STAG1: variants seen among roughly 807,000 people sequenced by gnomAD.
STAG1 encodes STAG1 cohesin complex component.
Under a neutral mutation model 170.9 loss-of-function variants are expected in STAG1, and 26 were observed. The ratio of observed to expected loss-of-function variants is 0.15; its 90% confidence interval spans 0.11 to 0.21. The LOEUF (loss-of-function observed/expected upper bound fraction) is 0.21. Ranked by LOEUF, STAG1 falls within the 10% of genes least tolerant of loss-of-function variation. STAG1 has a pLI of 1.00. For missense variants in STAG1, 964 were observed against 1,509.5 expected (o/e 0.64, Z 5.99); for synonymous variants, 514 against 497.7 (o/e 1.03, Z -0.44).
At chr3:136,373,218 G>A (rs1335749385) in intron 23 of STAG1, among the ~76,000 whole-genome samples, 39 of 151,892 alleles carry the variant, frequency 2.6e-4, no homozygotes, top group East Asian at 3.9e-4. Flanking sequence ...TTTTTATTGC[G>A]TCTATTTGAT....
intron 23 of STAG1, among the ~76,000 whole-genome samples, chr3:136,373,222 A>G (rs1328369842): frequency 1.3e-5 from 2 of 151,988 alleles, no homozygotes; most frequent in Admixed American, 1.3e-4. Context: ...TATTGCGTCT[A>G]TTTGATTCTT....
At chr3:136,365,624 G>A (rs1937044804) in intron 25 of STAG1, among the ~76,000 whole-genome samples, 1 of 152,096 alleles carries the variant, frequency 6.6e-6, no homozygotes, top group African/African-American at 2.4e-5. Context: ...TCAGGATGAG[G>A]AATAACTTTT....
At chr3:136,490,461 C>G (rs958529457) in intron 9 of STAG1, among the ~76,000 whole-genome samples, 2 of 152,156 alleles carry the variant, frequency 1.3e-5, no homozygotes, top group African/African-American at 4.8e-5. Context: ...CACTAAGAGT[C>G]TCATACAGAG....
In STAG1 at chr3:136,567,392, T is replaced by A. The variant is rs751383640; in HGVS notation, c.394+1373A>T. On this transcript the variant is annotated intron_variant, in intron 5 of 33. Coordinates refer to ENST00000383202, the MANE Select transcript of STAG1 (RefSeq NM_005862.3). Reference sequence around the variant, plus strand: ...CAATTCAGCCACAGAATCCTCTACGTCCCGGACTGAACCATGCTTTCTTGT... The same window carrying A: ...CAATTCAGCCACAGAATCCTCTACGACCCGGACTGAACCATGCTTTCTTGT... Among the ~76,000 whole-genome samples, 87 of 152,348 alleles carry A rather than the reference T, an allele frequency of 5.7e-4. 1 individual carries two copies. Among genetic ancestry groups the A allele is most frequent in the Middle Eastern group, 3.4e-3 (1 of 294 alleles).
intron 29 of STAG1, among the ~76,000 whole-genome samples, chr3:136,345,095 A>T (rs1429955786): frequency 6.6e-6 from 1 of 151,698 alleles, no homozygotes; most frequent in Admixed American, 6.6e-5. Context: ...GTTTATAAAT[A>T]TATATATATT....
intron 5 of STAG1, among the ~76,000 whole-genome samples, chr3:136,546,267 C>G (rs1002112665): frequency 1.3e-5 from 2 of 152,162 alleles, no homozygotes; most frequent in African/African-American, 4.8e-5. Context: ...TGTCTGCCAC[C>G]TCAGTTCTAT....
intron 24 of STAG1, among the ~76,000 whole-genome samples, 153 bp from the exon 25 acceptor site, chr3:136,367,235 A>G (rs1057432094): frequency 6.6e-6 from 1 of 152,148 alleles, no homozygotes; most frequent in Non-Finnish European, 1.5e-5. Flanking sequence ...TACATTAATT[A>G]TTTTAGGGTG....
At chr3:136,589,628 C>CAAAAA (rs71626007) in intron 4 of STAG1, among the ~76,000 whole-genome samples, 6 of 46,202 alleles carry the variant, frequency 1.3e-4, no homozygotes, top group Non-Finnish European at 2.4e-4. Context: ...CAAAGGGAGC[C>CAAAAA]AAAAAAAAAA....
chr3:136,626,420 A>T (rs150881345), intron 2 of STAG1, among the ~76,000 whole-genome samples: 1 of 149,228 alleles, frequency 6.7e-6, no homozygotes, highest in African/African-American at 2.5e-5. Flanking sequence ...GTGAGACTAC[A>T]TCTCAAAAAA....
At chr3:136,494,906 C>T (rs1187945450) in intron 9 of STAG1, among the ~76,000 whole-genome samples, 1 of 152,112 alleles carries the variant, frequency 6.6e-6, no homozygotes, top group Non-Finnish European at 1.5e-5. Flanking sequence ...CAAATTGGTT[C>T]ACAAGGTAAT....
intron 4 of STAG1, among the ~76,000 whole-genome samples, chr3:136,581,495 G>T (rs1937589734): frequency 6.6e-6 from 1 of 152,108 alleles, no homozygotes; most frequent in Non-Finnish European, 1.5e-5. Flanking sequence ...AACGCAAATA[G>T]ACCATTTTAA....
chr3:136,405,307 T>A (rs2087449579), intron 21 of STAG1, among the ~76,000 whole-genome samples: 1 of 139,424 alleles, frequency 7.2e-6, no homozygotes, highest in African/African-American at 2.6e-5. Flanking sequence ...AGTGGCATGA[T>A]CTCGGCTCAC....
intron 4 of STAG1, among the ~76,000 whole-genome samples, chr3:136,589,628 C>CAAAAAAAAAAAAAAAAAAA (rs71626007): frequency 4.3e-5 from 2 of 46,214 alleles, no homozygotes; most frequent in African/African-American, 7.0e-5. Context: ...CAAAGGGAGC[C>CAAAAAAAAAAAAAAAAAAA]AAAAAAAAAA....
At chr3:136,392,647 T>C (rs2087040810) in intron 22 of STAG1, among the ~76,000 whole-genome samples, 2 of 151,508 alleles carry the variant, frequency 1.3e-5, no homozygotes, top group South Asian at 4.2e-4. Flanking sequence ...GCGCCTGTAG[T>C]CCCAGCTACT....
intron 1 of STAG1, among the ~76,000 whole-genome samples, chr3:136,740,092 A>G (rs974392085): frequency 6.6e-6 from 1 of 151,942 alleles, no homozygotes; most frequent in Non-Finnish European, 1.5e-5. Flanking sequence ...TCTAAATAAC[A>G]GTTTAAAGAA....
intron 9 of STAG1, among the ~76,000 whole-genome samples, chr3:136,488,295 G>C (rs756324518): frequency 2.2e-4 from 34 of 152,082 alleles, no homozygotes; most frequent in Non-Finnish European, 4.0e-4. Flanking sequence ...GCTAATTTTT[G>C]TATTTTTAGT....
chr3:136,608,572 G>C (rs571586391), intron 3 of STAG1, among the ~76,000 whole-genome samples: 1 of 143,914 alleles, frequency 6.9e-6, no homozygotes, highest in Non-Finnish European at 1.5e-5. Context: ...ACCAGCACAG[G>C]GGTAGACAAG....
At position 136,704,926 on chromosome 3, in the gene STAG1, G is replaced by A. The variant is rs535942602; in HGVS notation, c.-84+47269C>T. ...ATTACACACAAAACAATGGAGCCCCGAAATTGTGTGCAAACACTGAGAGAA... is the reference window on the plus strand; with the variant it reads ...ATTACACACAAAACAATGGAGCCCCAAAATTGTGTGCAAACACTGAGAGAA... On this transcript the variant is annotated intron_variant, in intron 1 of 33. Coordinates refer to ENST00000383202, the MANE Select transcript of STAG1 (RefSeq NM_005862.3). 6.0e-5 allele frequency among the ~76,000 whole-genome samples: 9 copies of A among 150,900 alleles called. No homozygotes were observed. In the East Asian group the frequency reaches 7.8e-4, roughly 13 times the overall value.
intron 9 of STAG1, among the ~76,000 whole-genome samples, chr3:136,484,387 C>G (rs1476965014): frequency 2.0e-5 from 3 of 148,020 alleles, no homozygotes; most frequent in Admixed American, 6.8e-5. Context: ...AGTTAGGCTG[C>G]TCGGGGGTCA....
Sources: allele counts gnomAD v4.1 joint callset (sites outside exome capture counted in the v4.1 genomes callset), GRCh38; gene constraint gnomAD v4.1.1; transcripts MANE v1.5; gene names NCBI Gene and HGNC (gene_info 2026-07-23, HGNC 2026-07-21).